Variants in GCA observed in about 807,000 individuals in gnomAD.
The protein encoded by GCA is grancalcin.
A neutral mutation model predicts 32.6 loss-of-function variants in GCA; 30 were observed. The observed-to-expected ratio is 0.92, with a 90% CI of 0.69 to 1.25. The LOEUF is 1.25. Ranked by LOEUF, GCA falls within the 50% of genes most tolerant of loss-of-function variation. GCA has a pLI of 0.00. For synonymous variants in GCA, 102 were observed against 84.6 expected (o/e 1.21, Z -1.13); for missense variants, 291 against 266.8 (o/e 1.09, Z -0.63).
chr2:162,344,000 G>A (rs1684541042), upstream of GCA: 15 of 572,752 alleles, frequency 2.6e-5, no homozygotes, highest in African/African-American at 3.7e-5. Context: ...AGAGATGGGT[G>A]GGGCTAGGCT....
intron 7 of GCA, among the ~76,000 whole-genome samples, chr2:162,359,844 T>TA (rs1010106884): frequency 2.6e-5 from 4 of 151,196 alleles, no homozygotes; most frequent in Non-Finnish European, 5.9e-5. Flanking sequence ...CCATTATTTT[T>TA]AAAAAGGGTA....
chr2:162,348,980 G>A (rs1019482736), intron 2 of GCA, among the ~76,000 whole-genome samples: 17 of 151,578 alleles, frequency 1.1e-4, no homozygotes, highest in African/African-American at 3.9e-4. Context: ...ATTCCTAAAG[G>A]TTTCTTTTTC....
chr2:162,326,919 T>G (rs1350344457), intron 1 of GCA, among the ~76,000 whole-genome samples: 1 of 152,230 alleles, frequency 6.6e-6, no homozygotes, highest in Non-Finnish European at 1.5e-5. Flanking sequence ...CCAGAGACCT[T>G]GGCAGGTGCC....
chr2:162,324,431 G>A (rs1406175305), intron 1 of GCA, among the ~76,000 whole-genome samples: 2 of 152,184 alleles, frequency 1.3e-5, no homozygotes, highest in Non-Finnish European at 2.9e-5. Context: ...CAAACTCTGC[G>A]ACGTTCTACT....
intron 1 of GCA, among the ~76,000 whole-genome samples, chr2:162,322,534 T>A (rs1218664014): frequency 6.6e-6 from 1 of 150,452 alleles, no homozygotes; most frequent in Non-Finnish European, 1.5e-5. Context: ...ATTAGGTATA[T>A]CTACCAATGC....
intron 1 of GCA, among the ~76,000 whole-genome samples, chr2:162,321,826 G>T (rs1683673993): frequency 6.9e-6 from 1 of 145,200 alleles, no homozygotes; most frequent in African/African-American, 2.5e-5. Context: ...TTAAAGAAGA[G>T]ATGGTGCGGT....
rs183796464 is a variant in GCA at position 162,324,026 on chromosome 2, A to G, written c.-31+4801A>G. On this transcript the variant is annotated intron_variant, in intron 1 of 4. Coordinates refer to the GCA transcript ENST00000429691. ...GTATGGGGGTGTGGCTCGCTTCTTC[A>G]GTGCCCCACTGCTCAAACCTCTAGG... 2.7e-4 allele frequency among the ~76,000 whole-genome samples: 41 copies of G among 152,216 alleles called. 1 individual carries two copies. Among genetic ancestry groups the G allele is most frequent in the Admixed American group, 9.8e-4 (15 of 15,296 alleles).
intron 1 of GCA, among the ~76,000 whole-genome samples, chr2:162,322,385 C>CTTTA (rs748062506): frequency 0.095 from 14,157 of 148,862 alleles, 842 homozygotes; most frequent in Non-Finnish European, 0.13. Context: ...TTTTATTTTA[C>CTTTA]TTTATTTATT....
At position 162,352,351 on chromosome 2, in the gene GCA, A is replaced by T. The variant is rs767862968; in HGVS notation, c.206A>T (p.Asp69Val). Residue 69 changes from aspartate (D) to valine (V), a missense_variant, in exon 3 of 8, where the codon GAT becomes GTT. Physicochemically the swap from Asp to Val is radical, Grantham distance 152 (BLOSUM62 -3). Coordinates refer to ENST00000437150, the MANE Select transcript of GCA (RefSeq NM_012198.5). ...ATTTTTAAACAGGATGGTGAAGTGGATGCTGAAGAACTTCAGAGATGTTTG... is the reference window on the plus strand; with the variant it reads ...ATTTTTAAACAGGATGGTGAAGTGGTTGCTGAAGAACTTCAGAGATGTTTG... ...SAVAGQDGEV[D>V]AEELQRCLTQ... 9.5e-6 allele frequency: 15 copies of T among 1,578,066 alleles called. No homozygotes were observed. The highest frequency in any genetic ancestry group is 1.2e-5 in the Non-Finnish European group (14 of 1,147,380).
chr2:162,332,322 A>AAT (rs34401859), intron 1 of GCA, among the ~76,000 whole-genome samples: 164 of 136,914 alleles, frequency 1.2e-3, no homozygotes, highest in East Asian at 5.9e-3. Context: ...AAAAAAAAAA[A>AAT]ATATATATAT....
chr2:162,373,171 C>T (rs1055076474), downstream of GCA, among the ~76,000 whole-genome samples: 1 of 152,090 alleles, frequency 6.6e-6, no homozygotes, highest in Non-Finnish European at 1.5e-5. Flanking sequence ...CAAAGCTCTA[C>T]CACATGTAAA....
intron 7 of GCA, 37 bp from the exon 8 acceptor site, chr2:162,360,180 T>A: frequency 8.0e-7 from 1 of 1,252,310 alleles, no homozygotes; most frequent in Non-Finnish European, 1.1e-6. Context: ...AAAAACCATT[T>A]TATTCTTAAT....
Position 162,360,780 on chromosome 2 carries a change from A to G in GCA, c.*537A>G. On this transcript the variant is annotated 3_prime_UTR_variant, in exon 8 of 8. Transcript: ENST00000437150. ...ACTTAAAGATCTTTGTCTGTGAAGA[A>G]GAAAATTATCTCCCTAGTTCAATCT... 7.3e-7 allele frequency: 1 copy of G among 1,369,190 alleles called. No individual in the cohort carries two copies. Among genetic ancestry groups the G allele is most frequent in the Non-Finnish European group, 9.5e-7 (1 of 1,054,872 alleles). The allele number at this position is 1,369,190 out of a possible 1,614,324, so 84.8% of individuals were successfully genotyped here.
chr2:162,360,117 CTTTTCTCTCT>C, intron 7 of GCA, 90 bp from the exon 8 acceptor site: 1 of 734,148 alleles, frequency 1.4e-6, no homozygotes, highest in Non-Finnish European at 2.3e-6. Flanking sequence ...TGGAAACAAA[CTTTTCTCTCT>C]TAAGAAAATG....
upstream of GCA, among the ~76,000 whole-genome samples, chr2:162,341,739 TGG>T (rs977931567): frequency 2.6e-5 from 4 of 152,172 alleles, no homozygotes; most frequent in African/African-American, 9.7e-5. Flanking sequence ...TACAGCACTA[TGG>T]TTGGGGATGG....
downstream of GCA, among the ~76,000 whole-genome samples, chr2:162,367,244 A>G (rs1685780848): frequency 6.6e-6 from 1 of 151,974 alleles, no homozygotes; most frequent in African/African-American, 2.4e-5. Context: ...CGTTCCGCAC[A>G]AGAGCTTAGC....
downstream of GCA, among the ~76,000 whole-genome samples, chr2:162,367,287 G>A (rs559656194): frequency 6.6e-6 from 1 of 152,064 alleles, no homozygotes; most frequent in East Asian, 1.9e-4. Flanking sequence ...TCTGTGCAAT[G>A]AGAGAGTGGC....
At chr2:162,327,205 C>G (rs1318835489) in intron 1 of GCA, among the ~76,000 whole-genome samples, 3 of 152,128 alleles carry the variant, frequency 2.0e-5, no homozygotes, top group Admixed American at 2.0e-4. Context: ...GGGCCTCAGT[C>G]TGAAGCTTAA....
At chr2:162,369,330 C>T (rs75784910) in intron 4 of GCA, among the ~76,000 whole-genome samples, 2,937 of 152,168 alleles carry the variant, frequency 0.019, 100 homozygotes, top group African/African-American at 0.068. Context: ...CAACTAATCA[C>T]GTCTTTATAT....
Sources: allele counts gnomAD v4.1 joint callset (sites outside exome capture counted in the v4.1 genomes callset), GRCh38; gene constraint gnomAD v4.1.1; transcripts MANE v1.5; gene names NCBI Gene and HGNC (gene_info 2026-07-23, HGNC 2026-07-21).